SPATA31H1: variants seen among roughly 807,000 people sequenced by gnomAD.
SPATA31H1 encodes the protein spermatogenesis-associated protein 31H1.
the SPATA31H1 span, among the ~76,000 whole-genome samples, chr2:27,538,163 G>A: frequency 2.6e-5 from 4 of 152,158 alleles, no homozygotes; most frequent in East Asian, 5.8e-4. Flanking sequence ...AGCTTTGAAC[G>A]CCAGGCTGAA....
the SPATA31H1 span, among the ~76,000 whole-genome samples, chr2:27,564,814 A>T: frequency 3.3e-5 from 5 of 152,248 alleles, no homozygotes; most frequent in East Asian, 7.7e-4. Flanking sequence ...AAAAAAAAAA[A>T]TTGTTTTATT....
the SPATA31H1 span, chr2:27,537,701 T>C: frequency 1.6e-6 from 1 of 622,432 alleles, no homozygotes; most frequent in Non-Finnish European, 2.9e-6. Flanking sequence ...TGGATAGTCT[T>C]CCTATAGATC....
At chr2:27,549,942 CA>C in the SPATA31H1 span, among the ~76,000 whole-genome samples, 1 of 151,972 alleles carries the variant, frequency 6.6e-6, no homozygotes, top group Non-Finnish European at 1.5e-5. Context: ...CAGGCATGAG[CA>C]ACCATACCCA....
the SPATA31H1 span, among the ~76,000 whole-genome samples, chr2:27,544,089 G>A: frequency 9.2e-5 from 14 of 151,912 alleles, no homozygotes; most frequent in South Asian, 2.1e-4. Context: ...GAAAGATGCC[G>A]CAATAAAAAT....
chr2:27,575,269 C>A, the SPATA31H1 span: 1 of 398,384 alleles, frequency 2.5e-6, no homozygotes, highest in Non-Finnish European at 4.4e-6. The surrounding 1 kb of genome is among the most constrained non-coding windows in gnomAD (Gnocchi z 4.1). Context: ...GAGTTCAATG[C>A]TGAAAAGCAG....
chr2:27,582,497 G>C, the SPATA31H1 span: 1 of 1,611,204 alleles, frequency 6.2e-7, no homozygotes, highest in South Asian at 1.1e-5. Context: ...CCAAAGCAGG[G>C]CAAGTGTGGA....
At chr2:27,566,490 GT>G in the SPATA31H1 span, 5 of 655,246 alleles carry the variant, frequency 7.6e-6, no homozygotes, top group East Asian at 1.4e-4. Flanking sequence ...GAGAGAGTTT[GT>G]TTTGTCTGTG....
the SPATA31H1 span, chr2:27,578,334 G>C: frequency 6.2e-6 from 10 of 1,614,100 alleles, no homozygotes; most frequent in Non-Finnish European, 7.6e-6. Flanking sequence ...GTTTCAAATT[G>C]TAAAAACTAT....
chr2:27,581,902 CCT>C, the SPATA31H1 span: 1 of 1,611,908 alleles, frequency 6.2e-7, no homozygotes, highest in Non-Finnish European at 8.5e-7. Flanking sequence ...CATCGCAGTC[CCT>C]CTGAGAGAAG....
chr2:27,563,708 C>A, the SPATA31H1 span, among the ~76,000 whole-genome samples: 4 of 151,542 alleles, frequency 2.6e-5, no homozygotes, highest in Non-Finnish European at 5.9e-5. Flanking sequence ...TACAGGTGCA[C>A]GCCACCATGC....
At chr2:27,545,685 C>T in the SPATA31H1 span, among the ~76,000 whole-genome samples, 1 of 151,522 alleles carries the variant, frequency 6.6e-6, no homozygotes. Flanking sequence ...AGTGATTCTC[C>T]TGCCTCAGCC....
chr2:27,569,032 C>CT, the SPATA31H1 span: 1 of 398,958 alleles, frequency 2.5e-6, no homozygotes, highest in Non-Finnish European at 4.4e-6. Context: ...ATTGGGTTGA[C>CT]ACAACCATCT....
At chr2:27,556,256 C>T in the SPATA31H1 span, among the ~76,000 whole-genome samples, 6 of 149,574 alleles carry the variant, frequency 4.0e-5, no homozygotes, top group African/African-American at 1.5e-4. Flanking sequence ...AAGGCTTGCA[C>T]CTTAGGCTTT....
At chr2:27,550,897 C>CTT in the SPATA31H1 span, among the ~76,000 whole-genome samples, 6 of 147,036 alleles carry the variant, frequency 4.1e-5, no homozygotes, top group Non-Finnish European at 7.5e-5. Flanking sequence ...TCTTTTTCTT[C>CTT]TTTTTTTTTT....
the SPATA31H1 span, among the ~76,000 whole-genome samples, chr2:27,549,952 C>CA: frequency 6.6e-6 from 1 of 151,904 alleles, no homozygotes; most frequent in African/African-American, 2.4e-5. Context: ...CAACCATACC[C>CA]AGCCTTAAAT....
chr2:27,550,408 TA>T, the SPATA31H1 span, among the ~76,000 whole-genome samples: 6 of 148,270 alleles, frequency 4.0e-5, no homozygotes, highest in African/African-American at 1.5e-4. Flanking sequence ...GAATGGGTGT[TA>T]AATTTTTTTT....
At chr2:27,578,009 A>G in the SPATA31H1 span, 1 of 1,614,164 alleles carries the variant, frequency 6.2e-7, no homozygotes, top group Non-Finnish European at 8.5e-7. Flanking sequence ...GGATTAGTCC[A>G]GAGCCACTAG....
chr2:27,579,452 T>A, the SPATA31H1 span: 3 of 1,614,190 alleles, frequency 1.9e-6, no homozygotes, highest in Admixed American at 5.0e-5. Flanking sequence ...AAAACTATAT[T>A]CAGAGACATA....
At chr2:27,555,544 T>C in the SPATA31H1 span, among the ~76,000 whole-genome samples, 1 of 151,506 alleles carries the variant, frequency 6.6e-6, no homozygotes, top group Non-Finnish European at 1.5e-5. Flanking sequence ...TGTGGTGGTG[T>C]GCACCTGTAG....
Sources: allele counts gnomAD v4.1 joint callset (sites outside exome capture counted in the v4.1 genomes callset), GRCh38; gene constraint gnomAD v4.1.1; non-coding constraint Gnocchi (gnomAD v3.1); transcripts MANE v1.5; gene names NCBI Gene and HGNC (gene_info 2026-07-23, HGNC 2026-07-21).